ARPP21: variants seen among roughly 807,000 people sequenced by gnomAD.
The protein encoded by ARPP21 is cAMP regulated phosphoprotein 21.
Under a neutral mutation model 113.2 loss-of-function variants are expected in ARPP21, and 69 were observed. The observed-to-expected ratio is 0.61, with a 90% CI of 0.50 to 0.74. ARPP21 has a LOEUF of 0.74. ARPP21 is among the 30% of genes least tolerant of loss of function. The pLI is 0.00. For missense variants in ARPP21, 1,070 were observed against 1,037.4 expected, an observed-to-expected ratio of 1.03 and a Z score of -0.43; for synonymous variants, 368 against 375.5, an observed-to-expected ratio of 0.98 and a Z score of 0.23.
intron 19 of ARPP21, among the ~76,000 whole-genome samples, chr3:35,756,255 C>T (rs2095564543): frequency 1.3e-5 from 2 of 152,096 alleles, no homozygotes; most frequent in Admixed American, 1.3e-4. Flanking sequence ...GTCTGAAACT[C>T]ATCGAATTAG....
intron 9 of ARPP21, among the ~76,000 whole-genome samples, chr3:35,703,465 T>C (rs1331029165): frequency 6.6e-6 from 1 of 151,974 alleles, no homozygotes; most frequent in East Asian, 1.9e-4. Flanking sequence ...CTCTTCACTA[T>C]ACATGAACAA....
chr3:35,679,363 C>T (rs1240175214), intron 1 of ARPP21, among the ~76,000 whole-genome samples: 5 of 151,666 alleles, frequency 3.3e-5, no homozygotes, highest in Admixed American at 2.0e-4. Context: ...ACCACATAAA[C>T]AGCATTAAAA....
At chr3:35,656,121 GAGTAGATGAGGAT>G (rs1704759670) in intron 1 of ARPP21, among the ~76,000 whole-genome samples, 1 of 151,896 alleles carries the variant, frequency 6.6e-6, no homozygotes, top group Non-Finnish European at 1.5e-5. Context: ...ATTTTTAAAG[GAGTAGATGAGGAT>G]AGTAGATTCC....
At chr3:35,712,932 T>A (rs1039993533) in intron 11 of ARPP21, among the ~76,000 whole-genome samples, 3 of 152,192 alleles carry the variant, frequency 2.0e-5, no homozygotes, top group African/African-American at 7.2e-5. Flanking sequence ...ATGTTTTGCC[T>A]GGAGGCTAAT....
At chr3:35,665,238 C>G (rs2074034542) in intron 1 of ARPP21, among the ~76,000 whole-genome samples, 1 of 151,416 alleles carries the variant, frequency 6.6e-6, no homozygotes, top group Non-Finnish European at 1.5e-5. Flanking sequence ...CTTTATGTGG[C>G]CTTTATGTAG....
At chr3:35,684,074 TAAATAAA>T (rs1274384492) in intron 5 of ARPP21, 1 of 1,590,554 alleles carries the variant, frequency 6.3e-7, no homozygotes, top group Admixed American at 1.8e-5. Flanking sequence ...GATTAAAAGT[TAAATAAA>T]AAGTAGGCAC....
At chr3:35,651,616 C>T (rs926973155) in intron 1 of ARPP21, 2 of 152,134 alleles carry the variant, frequency 1.3e-5, no homozygotes, top group East Asian at 1.9e-4. Flanking sequence ...TCCAACTCTG[C>T]AACTTAGTAG....
At chr3:35,762,618 T>C (rs2095824831) in intron 19 of ARPP21, among the ~76,000 whole-genome samples, 1 of 152,070 alleles carries the variant, frequency 6.6e-6, no homozygotes, top group African/African-American at 2.4e-5. Context: ...GTTGTGTCAA[T>C]ACAGACCTCA....
intron 19 of ARPP21, among the ~76,000 whole-genome samples, chr3:35,762,126 T>TCTCACACACACACA (rs1424526664): frequency 1.0e-4 from 13 of 127,034 alleles, no homozygotes; most frequent in African/African-American, 3.3e-4. Context: ...TCTCTCTCTC[T>TCTCACACACACACA]CACACACACA....
intron 1 of ARPP21, among the ~76,000 whole-genome samples, chr3:35,670,714 T>G (rs547289944): frequency 2.0e-5 from 3 of 152,184 alleles, no homozygotes; most frequent in African/African-American, 7.2e-5. Context: ...CTGGCTAAGC[T>G]GTGGACACAT....
intron 12 of ARPP21, among the ~76,000 whole-genome samples, chr3:35,716,652 C>T (rs13100653): frequency 0.12 from 18,386 of 152,026 alleles, 1,174 homozygotes; most frequent in African/African-American, 0.15. Flanking sequence ...AATACTCTAT[C>T]TTTGCCAGAA....
intron 19 of ARPP21, among the ~76,000 whole-genome samples, chr3:35,786,716 T>A (rs1035890440): frequency 4.9e-4 from 75 of 151,992 alleles, no homozygotes; most frequent in African/African-American, 1.7e-3. Flanking sequence ...TAGAGTAAGA[T>A]AGAGGCTATA....
rs911916445 is a variant in ARPP21, at chr3:35,667,888, A to C, written c.-212-11899A>C. Among the ~76,000 whole-genome samples the C allele has an allele frequency of 3.1e-5, 4 of 129,858 alleles. 1 individual carries two copies. Among genetic ancestry groups the C allele is most frequent in the African/African-American group, 1.2e-4 (4 of 33,170 alleles). 85.2% of individuals were successfully genotyped at this position (129,858 alleles called of 152,430 possible). On this transcript the variant is annotated intron_variant, in intron 1 of 20. Transcript: ENST00000684406. ...AAGAAGAAGAAGAAGAAGAAGAAGAAGAGGAAGAGGAAGAGGAAGAGGAAG... is the reference window on the plus strand; with the variant it reads ...AAGAAGAAGAAGAAGAAGAAGAAGACGAGGAAGAGGAAGAGGAAGAGGAAG...
intron 19 of ARPP21, 151 bp downstream of exon 19, chr3:35,744,116 G>A (rs2305234): frequency 0.1 from 81,585 of 794,540 alleles, 4,721 homozygotes; most frequent in Non-Finnish European, 0.11. Flanking sequence ...TTGACTCTGT[G>A]TGGAAAAGTA....
At chr3:35,714,765 G>T (rs1223124215) in intron 11 of ARPP21, among the ~76,000 whole-genome samples, 3 of 151,986 alleles carry the variant, frequency 2.0e-5, no homozygotes, top group Non-Finnish European at 2.9e-5. Flanking sequence ...TGAATGCTCG[G>T]TGAATAGAAG....
At chr3:35,689,640 C>T (rs2081648963) in intron 7 of ARPP21, among the ~76,000 whole-genome samples, 1 of 151,516 alleles carries the variant, frequency 6.6e-6, no homozygotes, top group African/African-American at 2.4e-5. Flanking sequence ...CAAAGAGATA[C>T]TGGCTAAGGT....
intron 19 of ARPP21, among the ~76,000 whole-genome samples, chr3:35,775,260 A>G (rs942390604): frequency 1.3e-5 from 2 of 152,186 alleles, no homozygotes; most frequent in Non-Finnish European, 2.9e-5. Context: ...ACTTACATGC[A>G]TAGTGAACAA....
chr3:35,689,018 G>T (rs2081459364), intron 6 of ARPP21, among the ~76,000 whole-genome samples: 2 of 151,294 alleles, frequency 1.3e-5, no homozygotes, highest in Non-Finnish European at 3.0e-5. Flanking sequence ...GAATGAACAC[G>T]TGATATTTGA....
intron 9 of ARPP21, among the ~76,000 whole-genome samples, chr3:35,704,182 T>C (rs1448578427): frequency 6.6e-6 from 1 of 151,842 alleles, no homozygotes; most frequent in Non-Finnish European, 1.5e-5. Context: ...TAAATTCCAA[T>C]ATTTGAGAAA....
Sources: gnomAD v4.1 joint callset for allele counts (sites outside exome capture counted in the v4.1 genomes callset) on GRCh38, gnomAD v4.1.1 for gene constraint, MANE v1.5 for transcripts, NCBI Gene and HGNC (gene_info 2026-07-23, HGNC 2026-07-21) for gene names.